Variants in CRIM1 observed in about 807,000 individuals in gnomAD.
CRIM1 encodes cysteine-rich motor neuron 1 protein.
A neutral mutation model predicts 116.4 loss-of-function variants in CRIM1; 32 were observed. That is an observed-to-expected ratio of 0.27 (90% confidence interval 0.21 to 0.37). The LOEUF is 0.37. Among genes scored for constraint, CRIM1 ranks in the 10% least tolerant of loss-of-function variants. The pLI, the probability that CRIM1 is intolerant of heterozygous loss-of-function variation, is 1.00. For synonymous variants in CRIM1, 590 were observed against 509.2 expected, an observed-to-expected ratio of 1.16 and a Z score of -2.13; for missense variants, 1,331 against 1,354.8, an observed-to-expected ratio of 0.98 and a Z score of 0.28.
At position 36,356,272 on chromosome 2, in the gene CRIM1, A is replaced by C. The variant is rs1482142524; in HGVS notation, c.-21A>C. On this transcript the variant is annotated 5_prime_UTR_variant, in exon 1 of 17. Coordinates refer to ENST00000280527, the MANE Select transcript of CRIM1 (RefSeq NM_016441.3). The surrounding 1 kb of genome is among the most constrained non-coding windows in gnomAD (Gnocchi z 4.3). ...CGCTCCCGGCCCGGCTGCGAGGAGG[A>C]GGCGGCGGCGGCGCAGGAGGATGTA... The C allele has an allele frequency of 2.3e-5, 31 of 1,339,162 alleles. No individual in the cohort carries two copies. In the East Asian group the frequency reaches 4.7e-4, roughly 20 times the overall value. 83.0% of individuals were successfully genotyped at this position (1,339,162 alleles called of 1,614,324 possible).
chr2:36,422,560 A>G (rs1387713663), intron 2 of CRIM1, among the ~76,000 whole-genome samples: 1 of 152,176 alleles, frequency 6.6e-6, no homozygotes, highest in Non-Finnish European at 1.5e-5. Flanking sequence ...TTCACCATGA[A>G]TTTAGGTAGT....
At chr2:36,363,531 C>CCT (rs898042493) in intron 1 of CRIM1, among the ~76,000 whole-genome samples, 6 of 101,354 alleles carry the variant, frequency 5.9e-5, no homozygotes, top group African/African-American at 2.7e-4. Flanking sequence ...TCGTCGCCGC[C>CCT]CCCCCCCCCC....
chr2:36,457,641 G>A (rs191697743), intron 4 of CRIM1, among the ~76,000 whole-genome samples: 6 of 152,192 alleles, frequency 3.9e-5, no homozygotes, highest in East Asian at 1.9e-4. Flanking sequence ...GGTGAGGCAC[G>A]AGGAAAACTG....
At chr2:36,414,677 A>G (rs1038397703) in intron 2 of CRIM1, among the ~76,000 whole-genome samples, 18 of 152,238 alleles carry the variant, frequency 1.2e-4, no homozygotes, top group African/African-American at 4.1e-4. Context: ...CTCGTGGAAG[A>G]ACATTCTAGA....
chr2:36,508,462 G>A (rs1681583194), intron 8 of CRIM1, among the ~76,000 whole-genome samples: 1 of 152,120 alleles, frequency 6.6e-6, no homozygotes, highest in South Asian at 2.1e-4. Context: ...TTTTCCCAGT[G>A]ACTTCTGTGT....
At chr2:36,361,695 A>C (rs549108253) in intron 1 of CRIM1, among the ~76,000 whole-genome samples, 1 of 152,308 alleles carries the variant, frequency 6.6e-6, no homozygotes, top group Non-Finnish European at 1.5e-5. Context: ...CTCCCAGGCT[A>C]TGGTGCAAGC....
chr2:36,389,925 T>G (rs557150614), intron 1 of CRIM1, among the ~76,000 whole-genome samples: 161 of 152,308 alleles, frequency 1.1e-3, no homozygotes, highest in Admixed American at 2.6e-3. Flanking sequence ...TGGAGCTGCT[T>G]CTTCACATAT....
At chr2:36,402,195 G>T (rs1672459552) in intron 2 of CRIM1, among the ~76,000 whole-genome samples, 1 of 152,080 alleles carries the variant, frequency 6.6e-6, no homozygotes, top group African/African-American at 2.4e-5. Flanking sequence ...TAAAAGCTTT[G>T]GAAAACAGTA....
chr2:36,409,014 A>G (rs913643388), intron 2 of CRIM1, among the ~76,000 whole-genome samples: 22 of 14,826 alleles, frequency 1.5e-3, no homozygotes, highest in East Asian at 0.071. Context: ...CTCAGAGGGG[A>G]AAAAAAAAAA....
chr2:36,401,073 C>A (rs750993492), intron 2 of CRIM1, among the ~76,000 whole-genome samples: 5 of 152,002 alleles, frequency 3.3e-5, no homozygotes, highest in Non-Finnish European at 7.4e-5. Context: ...AAAATGAATT[C>A]GAAATGTTGC....
chr2:36,393,233 A>G (rs1467355483), intron 1 of CRIM1, among the ~76,000 whole-genome samples: 1 of 152,186 alleles, frequency 6.6e-6, no homozygotes, highest in Non-Finnish European at 1.5e-5. Flanking sequence ...CTAGTGAGAA[A>G]TGTGCCCAGT....
At chr2:36,406,611 T>G in intron 2 of CRIM1, among the ~76,000 whole-genome samples, 1 of 133,752 alleles carries the variant, frequency 7.5e-6, no homozygotes, top group African/African-American at 2.8e-5. Flanking sequence ...ACTCTGCTAA[T>G]ATTTGACCCC....
chr2:36,357,323 T>G (rs919675410), intron 1 of CRIM1, among the ~76,000 whole-genome samples: 2 of 152,202 alleles, frequency 1.3e-5, no homozygotes, highest in East Asian at 3.9e-4. Context: ...TAAAAAGTTG[T>G]TGCTATTAGT....
intron 2 of CRIM1, among the ~76,000 whole-genome samples, chr2:36,411,342 A>C (rs1673186476): frequency 6.6e-6 from 1 of 152,166 alleles, no homozygotes; most frequent in Non-Finnish European, 1.5e-5. Flanking sequence ...TACAGGTCTT[A>C]TTATAATGTT....
intron 4 of CRIM1, among the ~76,000 whole-genome samples, chr2:36,462,143 A>C (rs1052594323): frequency 6.6e-6 from 1 of 152,168 alleles, no homozygotes; most frequent in African/African-American, 2.4e-5. Flanking sequence ...TAGGTGGGTT[A>C]ATAGGTGGTT....
intron 7 of CRIM1, among the ~76,000 whole-genome samples, chr2:36,481,387 C>T (rs1023580965): frequency 2.6e-4 from 39 of 152,280 alleles, no homozygotes; most frequent in African/African-American, 8.2e-4. Flanking sequence ...TCTGCAACAT[C>T]TGCATAGAGT....
intron 2 of CRIM1, among the ~76,000 whole-genome samples, chr2:36,402,759 AGTT>A (rs1444120926): frequency 6.6e-6 from 1 of 150,772 alleles, no homozygotes; most frequent in Non-Finnish European, 1.5e-5. Flanking sequence ...AATTAGCAGG[AGTT>A]GTTAATATGG....
chr2:36,394,263 A>G (rs1238930183), intron 1 of CRIM1, among the ~76,000 whole-genome samples: 1 of 152,230 alleles, frequency 6.6e-6, no homozygotes, highest in Non-Finnish European at 1.5e-5. Context: ...ATTTCTTACA[A>G]GTTTTTTTTA....
chr2:36,426,284 C>T (rs1210487051), intron 2 of CRIM1, among the ~76,000 whole-genome samples: 4 of 152,106 alleles, frequency 2.6e-5, no homozygotes, highest in Admixed American at 1.3e-4. Flanking sequence ...ATGATCCATC[C>T]GTTTTTTATA....
Sources: allele counts gnomAD v4.1 joint callset (sites outside exome capture counted in the v4.1 genomes callset), GRCh38; gene constraint gnomAD v4.1.1; non-coding constraint Gnocchi (gnomAD v3.1); transcripts MANE v1.5; gene names NCBI Gene and HGNC (gene_info 2026-07-23, HGNC 2026-07-21).